NOMO3: variants seen among roughly 807,000 people sequenced by gnomAD.
NOMO3 encodes BOS complex subunit NOMO3.
Under a neutral mutation model 69.9 loss-of-function variants are expected in NOMO3, and 15 were observed. That is an observed-to-expected ratio of 0.21 (90% CI 0.14 to 0.33). The LOEUF (loss-of-function observed/expected upper bound fraction) is 0.33. Among genes scored for constraint, NOMO3 ranks in the 10% least tolerant of loss-of-function variants. The probability of loss-of-function intolerance (pLI) is 1.00; values close to 1 mark genes in which losing one functional copy is unlikely to be tolerated. For synonymous variants in NOMO3, 89 were observed against 301.9 expected (o/e 0.29, Z 7.31); for missense variants, 218 against 761.0 (o/e 0.29, Z 8.39).
chr16:16,245,125 A>G lies in NOMO3; in HGVS notation c.460A>G (p.Thr154Ala). 7.7e-7 allele frequency: 1 copy of G among 1,296,370 alleles called. No individual in the cohort carries two copies. The highest frequency in any genetic ancestry group is 1.0e-6 in the Non-Finnish European group (1 of 966,328). The allele number at this position is 1,296,370 out of a possible 1,614,324, so 80.3% of individuals were successfully genotyped here. Residue 154 changes from threonine (T) to alanine (A), a missense_variant, in exon 5 of 31, where the codon ACT (threonine) becomes GCT (alanine). By Grantham distance (58) the Thr-to-Ala change is moderately conservative. Transcript: ENST00000399336. ...PAGVQVSLRN[T>A]GTEAKIQSTV... ...GGGAGTTCAGGTGTCTCTGAGAAAC[A>G]CTGGGACCGAAGCAAAGATCCAGTC...
intron 11 of NOMO3, chr16:16,260,852 C>T (rs2141257595): frequency 6.9e-6 from 1 of 145,118 alleles, no homozygotes; most frequent in South Asian, 2.1e-4. Flanking sequence ...ACACCTTACT[C>T]CTTATTTAGA....
intron 15 of NOMO3, among the ~76,000 whole-genome samples, chr16:16,265,428 C>T (rs1369850482): frequency 7.2e-6 from 1 of 139,810 alleles, no homozygotes; most frequent in East Asian, 2.4e-4. Context: ...TCGGGGTGAC[C>T]TTTGGTACAG....
intron 11 of NOMO3, 141 bp downstream of exon 11, chr16:16,256,299 A>T (rs2049511871): frequency 7.4e-6 from 10 of 1,343,806 alleles, no homozygotes; most frequent in Non-Finnish European, 9.8e-6. Context: ...TTTGAGAGAC[A>T]GAGTCTTGCC....
chr16:16,262,762 C>G (rs1200883049), intron 12 of NOMO3, among the ~76,000 whole-genome samples: 1 of 139,720 alleles, frequency 7.2e-6, no homozygotes, highest in Non-Finnish European at 1.5e-5. Flanking sequence ...GGAAAAGTGA[C>G]TGGGATGTAG....
In NOMO3 at chr16:16,259,682, T is replaced by C. The variant is rs563978239; in HGVS notation, c.1221-1820T>C. ...CTCAATTTATTGTAAAAACAAACTC[T>C]TTGGCTTCTGTCCAAATGACTGTGA... On this transcript the variant is annotated intron_variant, in intron 11 of 30. Coordinates refer to ENST00000399336, the MANE Select transcript of NOMO3 (RefSeq NM_001004067.4). 1.7e-3 allele frequency among the ~76,000 whole-genome samples: 99 copies of C among 59,734 alleles called. 3 individuals are homozygous for C. Among genetic ancestry groups the C allele is most frequent in the African/African-American group, 1.0e-2 (93 of 9,306 alleles). 39.2% of individuals were successfully genotyped at this position (59,734 alleles called of 152,430 possible).
At chr16:16,234,233 G>C (rs575339719) in intron 1 of NOMO3, among the ~76,000 whole-genome samples, 1 of 150,618 alleles carries the variant, frequency 6.6e-6, no homozygotes, top group Non-Finnish European at 1.5e-5. Context: ...GGCTGTAGAC[G>C]GCACAGGGCA....
chr16:16,245,615 C>A (rs1340424849), intron 5 of NOMO3, among the ~76,000 whole-genome samples: 2 of 133,750 alleles, frequency 1.5e-5, no homozygotes, highest in African/African-American at 6.7e-5. Context: ...TGCAGCTACT[C>A]GGGAGGCTGA....
intron 16 of NOMO3, 132 bp downstream of exon 16, chr16:16,267,263 C>G: frequency 1.6e-6 from 1 of 640,690 alleles, no homozygotes. Context: ...TCAACCTGCT[C>G]TTGTTTTTCT....
chr16:16,267,471 G>C (rs1452139645), intron 16 of NOMO3, among the ~76,000 whole-genome samples: 3 of 141,092 alleles, frequency 2.1e-5, no homozygotes, highest in Non-Finnish European at 4.4e-5. Flanking sequence ...GTCTTGCTCT[G>C]TCACCCAGGC....
intron 15 of NOMO3, chr16:16,266,604 C>T (rs1458099314): frequency 2.2e-5 from 8 of 366,384 alleles, no homozygotes; most frequent in Non-Finnish European, 3.5e-5. Flanking sequence ...CAGGTGCAGC[C>T]CTATTGTTCA....
At chr16:16,268,308 C>G (rs1459495022) in intron 16 of NOMO3, among the ~76,000 whole-genome samples, 1 of 146,110 alleles carries the variant, frequency 6.8e-6, no homozygotes, top group Non-Finnish European at 1.5e-5. Flanking sequence ...TTTTAAGAAA[C>G]TGTCAAATTG....
chr16:16,244,194 C>T lies in NOMO3; in HGVS notation c.403-874C>T, dbSNP rs528826255. On this transcript the variant is annotated intron_variant, in intron 4 of 30. Transcript: ENST00000399336. ...TCTTTCTCCTCTACCTTTGCGGTGA[C>T]GGGGAGGCCCTTCCATCCCAGCTGT... 8.7e-3 allele frequency among the ~76,000 whole-genome samples: 1,234 copies of T among 142,162 alleles called. 242 individuals are homozygous for T. Among genetic ancestry groups the T allele is most frequent in the African/African-American group, 0.034 (1,168 of 34,732 alleles). 93.3% of individuals were successfully genotyped at this position (142,162 alleles called of 152,430 possible).
At chr16:16,255,637 G>A in intron 9 of NOMO3, 83 bp from the exon 10 acceptor site, 1 of 779,334 alleles carries the variant, frequency 1.3e-6, no homozygotes, top group Non-Finnish European at 2.2e-6. Context: ...GACATGGTAG[G>A]TGGTGGCCGG....
intron 10 of NOMO3, 64 bp downstream of exon 10, chr16:16,255,889 G>A: frequency 6.8e-7 from 1 of 1,471,826 alleles, no homozygotes; most frequent in East Asian, 2.7e-5. Context: ...GAGAGAAATG[G>A]AGAGGAACTG....
intron 3 of NOMO3, among the ~76,000 whole-genome samples, 199 bp from the exon 4 acceptor site, chr16:16,242,962 G>C (rs1292345255): frequency 7.0e-6 from 1 of 143,538 alleles, no homozygotes; most frequent in Non-Finnish European, 1.5e-5. Context: ...AGGCTAGGGG[G>C]ATAGGGGTGA....
chr16:16,236,747 A>G (rs2049329865), intron 1 of NOMO3, among the ~76,000 whole-genome samples, 154 bp from the exon 2 acceptor site: 2 of 143,680 alleles, frequency 1.4e-5, no homozygotes, highest in Non-Finnish European at 3.0e-5. Flanking sequence ...GAGTTTGTTG[A>G]TTTCCCTCTG....
In NOMO3 at chr16:16,265,250, C is replaced by T. The variant is rs561892137; in HGVS notation, c.1806+71C>T. On this transcript the variant is annotated intron_variant, in intron 15 of 30. Coordinates refer to ENST00000399336, the MANE Select transcript of NOMO3 (RefSeq NM_001004067.4). ...TGTGGATGTCAAGAAAGACTAACAT[C>T]CCAGGAATATTGTAAACGTAGGCAA... 38 of 1,588,456 alleles carry T rather than the reference C, an allele frequency of 2.4e-5. 3 individuals are homozygous for T. The South Asian group carries it at 3.9e-4, about 16-fold the overall frequency.
chr16:16,255,165 G>C (rs1351773934), intron 9 of NOMO3, among the ~76,000 whole-genome samples: 1 of 142,108 alleles, frequency 7.0e-6, no homozygotes, highest in Non-Finnish European at 1.5e-5. Flanking sequence ...TGCCTGCCTC[G>C]GCCTCCCAAA....
Position 16,263,185 on chromosome 16 carries a change from G to A in NOMO3, c.1507G>A (p.Ala503Thr), listed in dbSNP as rs1220239032. ...VMDVAFVQFL[A>T]SVSGKVSCLD... ...GGATGTGGCCTTTGTACAGTTCTTGGCATCAGTTTCTGGGAAAGTCTCTTG... is the reference window on the plus strand; with the variant it reads ...GGATGTGGCCTTTGTACAGTTCTTGACATCAGTTTCTGGGAAAGTCTCTTG... Residue 503 changes from alanine to threonine, a missense_variant, in exon 13 of 31, where the codon GCA becomes ACA. Coordinates refer to ENST00000399336, the MANE Select transcript of NOMO3 (RefSeq NM_001004067.4). The A allele has an allele frequency of 5.7e-6, 9 of 1,592,844 alleles. No homozygotes were observed. Among genetic ancestry groups the A allele is most frequent in the Non-Finnish European group, 7.6e-6 (9 of 1,176,700 alleles).
Sources: gnomAD v4.1 joint callset for allele counts (sites outside exome capture counted in the v4.1 genomes callset) on GRCh38, gnomAD v4.1.1 for gene constraint, MANE v1.5 for transcripts, NCBI Gene and HGNC (gene_info 2026-07-23, HGNC 2026-07-21) for gene names.